The following CLSTN2 variants were observed in gnomAD, a reference collection of about 807,000 sequenced individuals.
The protein encoded by CLSTN2 is calsyntenin 2.
CLSTN2 carries 48 observed loss-of-function variants against 101.2 expected under a neutral mutation model. The ratio of observed to expected loss-of-function variants is 0.47; its 90% CI spans 0.38 to 0.60. CLSTN2 has a LOEUF of 0.60. CLSTN2 is among the 20% of genes least tolerant of loss of function. The pLI is 0.00. For synonymous variants in CLSTN2, 481 were observed against 463.6 expected (o/e 1.04, Z -0.48); for missense variants, 1,160 against 1,238.2 (o/e 0.94, Z 0.95).
At chr3:140,501,330 C>A (rs902872639) in intron 8 of CLSTN2, among the ~76,000 whole-genome samples, 2 of 152,242 alleles carry the variant, frequency 1.3e-5, no homozygotes, top group African/African-American at 4.8e-5. Context: ...GCTTCAATGG[C>A]CACCACACAA....
intron 2 of CLSTN2, among the ~76,000 whole-genome samples, chr3:140,313,252 T>G (rs748905596): frequency 3.3e-5 from 5 of 152,200 alleles, no homozygotes; most frequent in Admixed American, 6.5e-5. Flanking sequence ...TGCTGCTTAA[T>G]CTTCATAATA....
chr3:140,379,564 A>G (rs1445029640), intron 2 of CLSTN2, among the ~76,000 whole-genome samples: 2 of 152,196 alleles, frequency 1.3e-5, no homozygotes, highest in Non-Finnish European at 2.9e-5. Context: ...TGAAGATGCA[A>G]TGCCTTTCCT....
chr3:140,335,456 C>CAAAA (rs36037134), intron 2 of CLSTN2, among the ~76,000 whole-genome samples: 1 of 141,874 alleles, frequency 7.0e-6, no homozygotes. Context: ...TGTGAAAGGC[C>CAAAA]AAAAAAAAAA....
rs769263922 is a variant in CLSTN2 at position 140,546,571 on chromosome 3, C to G, written c.1564C>G (p.Leu522Val). ...AQFFHGSLAS[L>V]TIRPGKMESQ... is the part of the protein sequence containing the mutation. ...GTTCTTTCATGGAAGCCTGGCCAGT[C>G]TCACCATCCGCCCTGGCAAAATGGA... is the stretch of plus-strand genomic sequence containing the variant. The change falls in exon 10 of 17, where the codon CTC becomes GTC. Residue 522 changes from leucine to valine, a missense_variant. By Grantham distance (32) the Leu-to-Val change is conservative. Coordinates refer to ENST00000458420, the MANE Select transcript of CLSTN2 (RefSeq NM_022131.3). 1 of 1,614,138 alleles carries G rather than the reference C, an allele frequency of 6.2e-7. No homozygotes were observed. The highest frequency in any genetic ancestry group is 1.7e-5 in the Admixed American group (1 of 60,028).
chr3:140,472,871 A>G (rs1933884779), intron 8 of CLSTN2, among the ~76,000 whole-genome samples: 1 of 152,060 alleles, frequency 6.6e-6, no homozygotes, highest in Non-Finnish European at 1.5e-5. Flanking sequence ...GTCTCTCTTT[A>G]TTTCCCCATG....
At chr3:139,961,078 A>G (rs1242981268) in intron 1 of CLSTN2, among the ~76,000 whole-genome samples, 2 of 152,194 alleles carry the variant, frequency 1.3e-5, no homozygotes, top group African/African-American at 4.8e-5. Context: ...GATAGCATGG[A>G]AGCTCACAGG....
intron 8 of CLSTN2, among the ~76,000 whole-genome samples, chr3:140,478,370 A>T (rs968297012): frequency 6.6e-6 from 1 of 152,126 alleles, no homozygotes; most frequent in African/African-American, 2.4e-5. Context: ...TTAACAGGTA[A>T]ATAGTCTGTA....
chr3:140,007,500 A>G (rs1026006901), intron 1 of CLSTN2, among the ~76,000 whole-genome samples: 3 of 152,214 alleles, frequency 2.0e-5, no homozygotes, highest in Non-Finnish European at 4.4e-5. Context: ...TGGTAATCCA[A>G]TTACAGGAAT....
intron 2 of CLSTN2, among the ~76,000 whole-genome samples, chr3:140,240,219 CACATAT>C (rs767427617): frequency 0.1 from 2,930 of 29,400 alleles, 226 homozygotes; most frequent in African/African-American, 0.19. Flanking sequence ...CACACACACA[CACATAT>C]ATATATATGC....
At chr3:140,169,060 A>T (rs2010175201) in intron 1 of CLSTN2, among the ~76,000 whole-genome samples, 1 of 152,066 alleles carries the variant, frequency 6.6e-6, no homozygotes, top group Non-Finnish European at 1.5e-5. Flanking sequence ...AGTTACATTA[A>T]ATCTATATAT....
rs72984152 is a variant in CLSTN2 at position 140,098,258 on chromosome 3, C to T, written c.110-77693C>T. On this transcript the variant is annotated intron_variant, in intron 1 of 16. Transcript: ENST00000458420. ...GGTAGACACCTATTTCTGCAAATTC[C>T]TGTCATTTTTGTAACTACACCAGGC... 4.1e-3 allele frequency among the ~76,000 whole-genome samples: 618 copies of T among 152,284 alleles called. 10 individuals are homozygous for T. The highest frequency in any genetic ancestry group is 0.014 in the African/African-American group (596 of 41,552).
intron 8 of CLSTN2, among the ~76,000 whole-genome samples, chr3:140,526,643 C>CAAAA (rs78227756): frequency 3.0e-4 from 39 of 131,998 alleles, no homozygotes; most frequent in East Asian, 1.7e-3. Context: ...ACAACAACAA[C>CAAAA]AAAAAAAAAA....
chr3:140,220,665 G>A (rs1014399042), intron 2 of CLSTN2, among the ~76,000 whole-genome samples: 2 of 152,232 alleles, frequency 1.3e-5, no homozygotes, highest in African/African-American at 4.8e-5. Flanking sequence ...GATAATGTGA[G>A]TGGATTGGCA....
At position 140,274,618 on chromosome 3, in the gene CLSTN2, G is replaced by A. The variant is rs535955915; in HGVS notation, c.232+98545G>A. Reference sequence around the variant, plus strand: ...GTTGTCCACCAGGTCCAGGGATGGCGCACAGAGTGGGCAGTTTCCCAGCAT... The same window carrying A: ...GTTGTCCACCAGGTCCAGGGATGGCACACAGAGTGGGCAGTTTCCCAGCAT... On this transcript the variant is annotated intron_variant, in intron 2 of 16. Transcript: ENST00000458420. 5.9e-5 allele frequency among the ~76,000 whole-genome samples: 9 copies of A among 152,248 alleles called. 1 individual carries two copies. The highest frequency in any genetic ancestry group is 4.2e-4 in the South Asian group (2 of 4,810).
intron 5 of CLSTN2, among the ~76,000 whole-genome samples, chr3:140,434,793 A>C (rs939622324): frequency 1.3e-5 from 2 of 152,208 alleles, no homozygotes; most frequent in African/African-American, 4.8e-5. Flanking sequence ...GTTGCAGAGA[A>C]GGGTTTTGGA....
chr3:140,229,193 T>C (rs1046768341), intron 2 of CLSTN2, among the ~76,000 whole-genome samples: 13 of 152,178 alleles, frequency 8.5e-5, no homozygotes, highest in African/African-American at 2.4e-4. Context: ...ACTAGCCACC[T>C]ATCCATATCC....
chr3:140,320,502 T>G (rs900518074), intron 2 of CLSTN2, among the ~76,000 whole-genome samples: 5 of 151,816 alleles, frequency 3.3e-5, no homozygotes, highest in African/African-American at 1.2e-4. Context: ...CTGTTGGCAC[T>G]GAGCAGACAC....
chr3:140,004,871 T>C (rs2006922602), intron 1 of CLSTN2, among the ~76,000 whole-genome samples: 1 of 152,146 alleles, frequency 6.6e-6, no homozygotes, highest in South Asian at 2.1e-4. Flanking sequence ...CAGATGAGTT[T>C]CTCTCTATCC....
chr3:140,384,548 C>T (rs955000515), intron 2 of CLSTN2, among the ~76,000 whole-genome samples: 29 of 152,104 alleles, frequency 1.9e-4, no homozygotes, highest in African/African-American at 7.0e-4. Context: ...ATGAGAGGTG[C>T]CCAGGGGTCG....
Sources: allele counts gnomAD v4.1 joint callset (sites outside exome capture counted in the v4.1 genomes callset), GRCh38; gene constraint gnomAD v4.1.1; transcripts MANE v1.5; gene names NCBI Gene and HGNC (gene_info 2026-07-23, HGNC 2026-07-21).